The following ANXA3 variants were observed in gnomAD, a reference collection of about 807,000 sequenced individuals.
The protein encoded by ANXA3 is 35-alpha calcimedin.
A neutral mutation model predicts 48.8 loss-of-function variants in ANXA3; 46 were observed. The observed-to-expected ratio is 0.94, with a 90% CI of 0.74 to 1.21. The LOEUF is 1.21. Ranked by LOEUF, ANXA3 falls within the 50% of genes most tolerant of loss-of-function variation. The pLI is 0.00. For missense variants in ANXA3, 383 were observed against 378.6 expected (o/e 1.01, Z -0.10); for synonymous variants, 128 against 134.7 (o/e 0.95, Z 0.35).
chr4:78,558,819 G>T (rs1026003653), intron 2 of ANXA3, among the ~76,000 whole-genome samples: 1 of 152,152 alleles, frequency 6.6e-6, no homozygotes, highest in Non-Finnish European at 1.5e-5. Flanking sequence ...CTTGTCATAT[G>T]TTGCCTGTAG....
chr4:78,598,841 A>G (rs1265119537), intron 10 of ANXA3, among the ~76,000 whole-genome samples: 2 of 152,116 alleles, frequency 1.3e-5, no homozygotes, highest in East Asian at 1.9e-4. Flanking sequence ...CCCCTGGCCT[A>G]TATTGTTAAT....
chr4:78,589,981 A>G (rs1223644891), intron 6 of ANXA3, among the ~76,000 whole-genome samples: 1 of 152,218 alleles, frequency 6.6e-6, no homozygotes, highest in African/African-American at 2.4e-5. Flanking sequence ...ATTCTATTTG[A>G]TTTTATACTC....
chr4:78,568,982 G>A (rs748110011), intron 2 of ANXA3, among the ~76,000 whole-genome samples: 1 of 152,200 alleles, frequency 6.6e-6, no homozygotes, highest in Non-Finnish European at 1.5e-5. Context: ...TCTGTGAAAA[G>A]GATTTATTAT....
At chr4:78,587,362 T>G (rs2109940421) in intron 6 of ANXA3, among the ~76,000 whole-genome samples, 1 of 152,344 alleles carries the variant, frequency 6.6e-6, no homozygotes, top group South Asian at 2.1e-4. Context: ...CCAGCCTTTA[T>G]TCTGGGTCAT....
intron 12 of ANXA3, among the ~76,000 whole-genome samples, chr4:78,608,475 G>A (rs896053077): frequency 1.3e-5 from 2 of 152,146 alleles, no homozygotes; most frequent in African/African-American, 4.8e-5. Flanking sequence ...GTAAGGGGAA[G>A]CCATTGAAGA....
intron 12 of ANXA3, among the ~76,000 whole-genome samples, chr4:78,608,543 G>A (rs1227576322): frequency 1.3e-5 from 2 of 152,152 alleles, no homozygotes; most frequent in Admixed American, 6.5e-5. Flanking sequence ...ATCCCTGTAA[G>A]ATCTTCTTAT....
chr4:78,587,422 A>G (rs1360188857), intron 6 of ANXA3, among the ~76,000 whole-genome samples: 1 of 152,250 alleles, frequency 6.6e-6, no homozygotes, highest in African/African-American at 2.4e-5. Context: ...ATGAATAACA[A>G]GGACACACCT....
At chr4:78,586,198 C>A in intron 5 of ANXA3, 62 bp from the exon 6 acceptor site, 1 of 1,337,070 alleles carries the variant, frequency 7.5e-7, no homozygotes, top group Non-Finnish European at 1.1e-6. Flanking sequence ...ATAATAAGAC[C>A]AAAAGGCATG....
intron 2 of ANXA3, among the ~76,000 whole-genome samples, chr4:78,571,800 TG>T (rs368237013): frequency 2.7e-4 from 41 of 152,372 alleles, no homozygotes; most frequent in Middle Eastern, 3.4e-3. Context: ...TTCTATATTA[TG>T]GTCTTTCCCA....
At chr4:78,564,887 G>A (rs1388859403) in intron 2 of ANXA3, among the ~76,000 whole-genome samples, 4 of 152,150 alleles carry the variant, frequency 2.6e-5, no homozygotes, top group African/African-American at 7.2e-5. Flanking sequence ...CCAGATAAGA[G>A]TCATGAAGGT....
intron 2 of ANXA3, among the ~76,000 whole-genome samples, chr4:78,563,986 G>A (rs1722678465): frequency 6.6e-6 from 1 of 152,150 alleles, no homozygotes; most frequent in African/African-American, 2.4e-5. Context: ...TCTTAACTAG[G>A]TTAAGCACTT....
At chr4:78,569,948 A>G (rs1722810253) in intron 2 of ANXA3, among the ~76,000 whole-genome samples, 1 of 152,230 alleles carries the variant, frequency 6.6e-6, no homozygotes, top group South Asian at 2.1e-4. Flanking sequence ...GGCTCTTGTA[A>G]GAGTTAAATG....
intron 5 of ANXA3, among the ~76,000 whole-genome samples, chr4:78,584,317 C>T (rs1723129244): frequency 6.6e-6 from 1 of 152,024 alleles, no homozygotes; most frequent in Non-Finnish European, 1.5e-5. Flanking sequence ...GGACTGCAGG[C>T]ACACACCACC....
intron 7 of ANXA3, among the ~76,000 whole-genome samples, chr4:78,593,093 T>C (rs1271386970): frequency 6.8e-6 from 1 of 147,334 alleles, no homozygotes; most frequent in African/African-American, 2.5e-5. Flanking sequence ...TGCTTAAGTA[T>C]TTGTACATGA....
intron 2 of ANXA3, among the ~76,000 whole-genome samples, chr4:78,561,919 C>T (rs1722635388): frequency 1.3e-5 from 2 of 152,144 alleles, no homozygotes; most frequent in Admixed American, 6.6e-5. Context: ...TGGGACAAAG[C>T]CTGGAAAGTT....
At position 78,610,212 on chromosome 4, in the gene ANXA3, A is replaced by G. The variant is rs1237328855; in HGVS notation, c.*97A>G. On this transcript the variant is annotated 3_prime_UTR_variant, in exon 13 of 13. Coordinates refer to ENST00000264908, the MANE Select transcript of ANXA3 (RefSeq NM_005139.3). ...TTTAAGAGAACAAGCAAATATAAAC[A>G]GCAACTTGTGTTCCTAACAGGAATT... The G allele has an allele frequency of 1.3e-6, 1 of 768,300 alleles. No homozygotes were observed. The highest frequency in any genetic ancestry group is 2.1e-6 in the Non-Finnish European group (1 of 480,532). 47.6% of individuals were successfully genotyped at this position (768,300 alleles called of 1,614,324 possible).
intron 5 of ANXA3, among the ~76,000 whole-genome samples, chr4:78,585,873 A>G (rs779686637): frequency 1.2e-4 from 18 of 152,360 alleles, no homozygotes; most frequent in Non-Finnish European, 1.9e-4. Context: ...TGATAGACCC[A>G]GTACAGTGAT....
In ANXA3 at chr4:78,586,247, T is replaced by A; in HGVS notation, c.313-13T>A. The A allele has an allele frequency of 6.2e-7, 1 of 1,608,550 alleles. No homozygotes were observed. The highest frequency in any genetic ancestry group is 8.5e-7 in the Non-Finnish European group (1 of 1,176,514). On this transcript the variant is annotated splice_polypyrimidine_tract_variant and intron_variant, in intron 5 of 12. Coordinates refer to ENST00000264908, the MANE Select transcript of ANXA3 (RefSeq NM_005139.3). Reference sequence around the variant, plus strand: ...TAAGTGTTCTAAAAATTAGATTTTCTTTTCCTTTTTAGGGCGCGGGAACAA... The same window carrying A: ...TAAGTGTTCTAAAAATTAGATTTTCATTTCCTTTTTAGGGCGCGGGAACAA...
At chr4:78,606,807 T>C (rs1299206992) in intron 12 of ANXA3, among the ~76,000 whole-genome samples, 2 of 152,206 alleles carry the variant, frequency 1.3e-5, no homozygotes, top group African/African-American at 4.8e-5. Context: ...CTGAGATGCA[T>C]GCATAAGTTG....
Sources: gnomAD v4.1 joint callset for allele counts (sites outside exome capture counted in the v4.1 genomes callset) on GRCh38, gnomAD v4.1.1 for gene constraint, MANE v1.5 for transcripts, NCBI Gene and HGNC (gene_info 2026-07-23, HGNC 2026-07-21) for gene names.